The following SZT2 variants were observed in gnomAD, a reference collection of about 807,000 sequenced individuals.
SZT2 encodes SZT2 subunit of KICSTOR complex.
A neutral mutation model predicts 404.2 loss-of-function variants in SZT2; 216 were observed. That is an observed-to-expected ratio of 0.53 (90% CI 0.48 to 0.60). SZT2 has a LOEUF of 0.60. SZT2 is among the 20% of genes least tolerant of loss of function. SZT2 has a pLI of 0.00. For missense variants in SZT2, 3,857 were observed against 4,459.2 expected (o/e 0.86, Z 3.85); for synonymous variants, 1,693 against 1,749.9 (o/e 0.97, Z 0.81).
At chr1:43,400,791 G>A (rs536363945) in intron 1 of SZT2, among the ~76,000 whole-genome samples, 2 of 151,712 alleles carry the variant, frequency 1.3e-5, no homozygotes, top group African/African-American at 2.4e-5. Context: ...AGAATCACTT[G>A]AACCCAGGAG....
At position 43,433,052 on chromosome 1, in the gene SZT2, C is replaced by T. The variant is rs772792017; in HGVS notation, c.5666C>T (p.Ala1889Val). Residue 1889 changes from alanine (A) to valine (V), a missense_variant, in exon 40 of 72, where the codon GCC becomes GTC. Transcript: ENST00000634258. ...CCCAATGACACCCTTGGTGAGAAGG[C>T]CCCCTTCACATTGCGGACTCCACCT... ...EGPNDTLGEK[A>V]PFTLRTPPGP... is the part of the protein sequence containing the mutation. 2 of 1,613,982 alleles carry T rather than the reference C, an allele frequency of 1.2e-6. No homozygotes were observed. Among genetic ancestry groups the T allele is most frequent in the Admixed American group, 3.3e-5 (2 of 60,004 alleles).
intron 4 of SZT2, among the ~76,000 whole-genome samples, chr1:43,411,259 T>A (rs1181823415): frequency 6.6e-6 from 1 of 152,210 alleles, no homozygotes; most frequent in Non-Finnish European, 1.5e-5. Flanking sequence ...GAAGACCAGG[T>A]TGGCTTCTGG....
chr1:43,409,432 CAA>C (rs1372625660), intron 4 of SZT2: 16 of 363,646 alleles, frequency 4.4e-5, no homozygotes, highest in South Asian at 2.0e-4. Flanking sequence ...AATAGTCAGA[CAA>C]GAGAAAGAAA....
In SZT2 at chr1:43,423,115, G is replaced by A. The variant is rs1401013709; in HGVS notation, c.2054G>A (p.Arg685Lys). 6.3e-7 allele frequency: 1 copy of A among 1,593,474 alleles called. No individual in the cohort carries two copies. Among genetic ancestry groups the A allele is most frequent in the Non-Finnish European group, 8.5e-7 (1 of 1,177,698 alleles). ...PARHKIVSGLREEILRLRFPH... is the reference protein window; with the variant it reads ...PARHKIVSGLKEEILRLRFPH... Reference sequence around the variant, plus strand: ...TCCCCTCAGATTGTGTCAGGCTTGAGGGAAGAGATCCTGCGGCTGCGTTTC... The same window carrying A: ...TCCCCTCAGATTGTGTCAGGCTTGAAGGAAGAGATCCTGCGGCTGCGTTTC... Residue 685 changes from arginine (R) to lysine (K), a missense_variant, in exon 15 of 72, where the codon AGG becomes AAG. Around this residue, in one of 7 missense-constraint regions of SZT2, gnomAD observed 1,725 missense variants for 1,881.0 expected, o/e 0.92. Coordinates refer to ENST00000634258, the MANE Select transcript of SZT2 (RefSeq NM_001365999.1).
chr1:43,441,966 G>A lies in SZT2; in HGVS notation c.7743-34G>A. 1 of 1,599,708 alleles carries A rather than the reference G, an allele frequency of 6.3e-7. No homozygotes were observed. Reference sequence around the variant, plus strand: ...AGGCTAGGCCAGGGAGTGGTGTCATGGATGGCCTTTCTGTCTGTCCTCCCT... The same window carrying A: ...AGGCTAGGCCAGGGAGTGGTGTCATAGATGGCCTTTCTGTCTGTCCTCCCT... On this transcript the variant is annotated intron_variant, in intron 55 of 71. Transcript: ENST00000634258. This position sits in a 1 kb window ranked among gnomAD's most constrained non-coding sequence, Gnocchi z 4.8.
At position 43,427,417 on chromosome 1, in the gene SZT2, C is replaced by G. The variant is rs147644619; in HGVS notation, c.3570C>G (p.Val1190=). The stretch of plus-strand genomic sequence containing the variant: ...GGATCAAAGCTACAAAGTCCCACGT[C>G]CCTGTCCTCAGTGTGACCCTGGCTA... ...GTGIKATKSH[V]PVLSVTLASD... is the part of the protein sequence containing the mutation. The change falls in exon 25 of 72, where the codon GTC becomes GTG. Residue 1190 remains valine, a synonymous_variant. Coordinates refer to ENST00000634258, the MANE Select transcript of SZT2 (RefSeq NM_001365999.1). 2.5e-6 allele frequency: 4 copies of G among 1,613,486 alleles called. No homozygotes were observed. Among genetic ancestry groups the G allele is most frequent in the Admixed American group, 1.7e-5 (1 of 59,978 alleles).
In SZT2 at chr1:43,448,980, G is replaced by A. The variant is rs1656044270; in HGVS notation, c.10086+252G>A. 1 of 482,532 alleles carries A rather than the reference G, an allele frequency of 2.1e-6. No individual in the cohort carries two copies. The highest frequency in any genetic ancestry group is 1.9e-5 in the African/African-American group (1 of 51,282). 29.9% of individuals were successfully genotyped at this position (482,532 alleles called of 1,614,324 possible). On this transcript the variant is annotated intron_variant, in intron 70 of 71. Transcript: ENST00000634258. The surrounding 1 kb of genome is among the most constrained non-coding windows in gnomAD (Gnocchi z 4.2). ...CTTGAGATCCTGAGGGCCAGGCTCT[G>A]GAACTGACAACCCAAGGAGCTGTCA...
Position 43,420,574 on chromosome 1 carries a change from T to C in SZT2, c.1262-175T>C, listed in dbSNP as rs769539688. On this transcript the variant is annotated intron_variant, in intron 9 of 71. Transcript: ENST00000634258. The surrounding 1 kb of genome is among the most constrained non-coding windows in gnomAD (Gnocchi z 5.1). ...CTTGGCTTAGTTTTCAGATTGTTTC[T>C]ACAAACTTGTGTTTGTGTCAGTGGG... Among the ~76,000 whole-genome samples, 6 of 152,232 alleles carry C rather than the reference T, an allele frequency of 3.9e-5. No individual in the cohort carries two copies. Among genetic ancestry groups the C allele is most frequent in the Non-Finnish European group, 8.8e-5 (6 of 68,042 alleles).
In SZT2 at chr1:43,435,299, T is replaced by A; in HGVS notation, c.6004T>A (p.Ser2002Thr). 1.9e-6 allele frequency: 3 copies of A among 1,614,114 alleles called. No homozygotes were observed. The highest frequency in any genetic ancestry group is 8.5e-7 in the Non-Finnish European group (1 of 1,180,014). The change falls in exon 42 of 72, where the codon TCC becomes ACC. Residue 2002 changes from serine to threonine, a missense_variant. Transcript: ENST00000634258. ...DLWRSETPFH[S>T]RQRAPLPSDD... is the part of the protein sequence containing the mutation. ...GTGGCGCAGTGAGACTCCCTTCCAC[T>A]CCCGTCAGCGGGCACCACTGCCCAG...
chr1:43,422,665 C>CA, intron 13 of SZT2, 33 bp downstream of exon 13: 1 of 751,530 alleles, frequency 1.3e-6, no homozygotes, highest in South Asian at 1.7e-5. Context: ...ACCCCCCGCC[C>CA]CCCCACCCCC....
At position 43,430,685 on chromosome 1, in the gene SZT2, G is replaced by C; in HGVS notation, c.4670G>C (p.Ser1557Thr). ...LGGDSPTGPE[S>T]FLHDLPPLFL... ...GGCGACTCACCCACTGGGCCTGAGAGCTTCCTTCATGACCTGCCACCGCTC... is the reference window on the plus strand; with the variant it reads ...GGCGACTCACCCACTGGGCCTGAGACCTTCCTTCATGACCTGCCACCGCTC... Residue 1557 changes from serine to threonine, a missense_variant, in exon 32 of 72, where the codon AGC becomes ACC. By Grantham distance (58) the Ser-to-Thr change is moderately conservative. Around this residue, in one of 7 missense-constraint regions of SZT2, gnomAD observed 1,725 missense variants for 1,881.0 expected, o/e 0.92. Coordinates refer to ENST00000634258, the MANE Select transcript of SZT2 (RefSeq NM_001365999.1). 5 of 1,614,050 alleles carry C rather than the reference G, an allele frequency of 3.1e-6. No homozygotes were observed. The highest frequency in any genetic ancestry group is 4.2e-6 in the Non-Finnish European group (5 of 1,180,032).
chr1:43,423,163 A>C lies in SZT2; in HGVS notation c.2102A>C (p.Glu701Ala), dbSNP rs532015613. The C allele has an allele frequency of 1.3e-6, 2 of 1,597,420 alleles. No homozygotes were observed. Among genetic ancestry groups the C allele is most frequent in the African/African-American group, 2.7e-5 (2 of 75,000 alleles). The part of the protein sequence containing the change: ...LRFPHRVQSK[E>A]PTPKVKRKGL... ...TTCCCCCACCGGGTACAAAGCAAGG[A>C]GCCAACGCCCAAGGTGAAACGAAAA... is the stretch of plus-strand genomic sequence containing the variant. Residue 701 changes from glutamate (E) to alanine (A), a missense_variant, in exon 15 of 72, where the codon GAG becomes GCG. Glu to Ala is a moderately radical substitution (Grantham distance 107, BLOSUM62 -1). This residue lies in a region of SZT2 where 1,725 missense variants were observed against 1,881.0 expected (regional missense o/e 0.92). Coordinates refer to ENST00000634258, the MANE Select transcript of SZT2 (RefSeq NM_001365999.1).
chr1:43,403,993 C>T (rs905293715), intron 3 of SZT2: 17 of 577,984 alleles, frequency 2.9e-5, no homozygotes, highest in Admixed American at 1.5e-4. Flanking sequence ...GCTGATTACT[C>T]GAGCTCAGGA....
Position 43,425,845 on chromosome 1 carries a change from G to T in SZT2, c.2825G>T (p.Arg942Leu), listed in dbSNP as rs766765965. The T allele has an allele frequency of 1.2e-6, 2 of 1,613,834 alleles. No individual in the cohort carries two copies. Among genetic ancestry groups the T allele is most frequent in the African/African-American group, 2.7e-5 (2 of 74,910 alleles). Residue 942 changes from arginine to leucine, a missense_variant, in exon 20 of 72, where the codon CGG becomes CTG. Arg to Leu is a moderately radical substitution (Grantham distance 102). Around this residue, in one of 7 missense-constraint regions of SZT2, gnomAD observed 1,725 missense variants for 1,881.0 expected, o/e 0.92. Transcript: ENST00000634258. The surrounding 1 kb of genome is among the most constrained non-coding windows in gnomAD (Gnocchi z 4.3). ...ATGTTCTTCCTGTAGCTCCACCCAC[G>T]GGATGCTGCCTGCATAGGCTCCATG... ...YSEIPQALHP[R>L]DAACIGSMLS...
chr1:43,448,468 A>G lies in SZT2; in HGVS notation c.9953A>G (p.Asp3318Gly), dbSNP rs543202856. ...LEAVHAKSIG[D>G]IDPQLDCFLS... ...GCAGTCCATGCCAAATCCATTGGGGACATCGACCCCCAGCTGGTAAGGAAC... is the reference window on the plus strand; with the variant it reads ...GCAGTCCATGCCAAATCCATTGGGGGCATCGACCCCCAGCTGGTAAGGAAC... Residue 3318 changes from aspartate to glycine, a missense_variant, in exon 69 of 72, where the codon GAC becomes GGC. Coordinates refer to ENST00000634258, the MANE Select transcript of SZT2 (RefSeq NM_001365999.1). The surrounding 1 kb of genome is among the most constrained non-coding windows in gnomAD (Gnocchi z 4.2). The G allele has an allele frequency of 6.2e-7, 1 of 1,609,100 alleles. No homozygotes were observed. Among genetic ancestry groups the G allele is most frequent in the East Asian group, 2.2e-5 (1 of 44,804 alleles).
chr1:43,454,243 C>T lies in SZT2; in HGVS notation c.*3763C>T, dbSNP rs1280856700. On this transcript the variant is annotated 3_prime_UTR_variant, in exon 72 of 72. Coordinates refer to ENST00000634258, the MANE Select transcript of SZT2 (RefSeq NM_001365999.1). ...ACCAAATAAAGAAGCACTTTTATAC[C>T]GCCAGTTATCACACCACTAGCCTGT... is the stretch of plus-strand genomic sequence containing the variant. The T allele has an allele frequency of 6.1e-6, 1 of 163,234 alleles. No individual in the cohort carries two copies. Among genetic ancestry groups the T allele is most frequent in the East Asian group, 1.9e-4 (1 of 5,294 alleles). The allele number at this position is 163,234 out of a possible 1,614,324, so 10.1% of individuals were successfully genotyped here.
intron 4 of SZT2, chr1:43,412,389 G>C (rs1269169293): frequency 1.3e-5 from 2 of 152,182 alleles, no homozygotes; most frequent in African/African-American, 2.4e-5. Context: ...TTGATCTCTT[G>C]GGCTTAAGTG....
At position 43,422,577 on chromosome 1, in the gene SZT2, G is replaced by A. The variant is rs2153932520; in HGVS notation, c.1867G>A (p.Asp623Asn). The A allele has an allele frequency of 1.3e-6, 2 of 1,598,080 alleles. 1 individual carries two copies. The highest frequency in any genetic ancestry group is 2.2e-5 in the South Asian group (2 of 91,062). Residue 623 changes from aspartate (D) to asparagine (N), a missense_variant, in exon 13 of 72, where the codon GAC (aspartate) becomes AAC (asparagine). Transcript: ENST00000634258. ...CTCCTCCCTGACCTCTCTGCTGCGGGACTGGAGCAGCTTCGTACTAGTCGA... is the reference window on the plus strand; with the variant it reads ...CTCCTCCCTGACCTCTCTGCTGCGGAACTGGAGCAGCTTCGTACTAGTCGA... ...SHSSLTSLLR[D>N]WSSFVLVEGY...
In SZT2 at chr1:43,425,851, C is replaced by G. The variant is rs774918871; in HGVS notation, c.2831C>G (p.Ala944Gly). The change falls in exon 20 of 72, where the codon GCT (alanine) becomes GGT (glycine). Residue 944 changes from alanine (A) to glycine (G), a missense_variant. Ala to Gly is a moderately conservative substitution (Grantham distance 60). This residue lies in a region of SZT2 where 1,725 missense variants were observed against 1,881.0 expected (regional missense o/e 0.92). Coordinates refer to ENST00000634258, the MANE Select transcript of SZT2 (RefSeq NM_001365999.1). This position sits in a 1 kb window ranked among gnomAD's most constrained non-coding sequence, Gnocchi z 4.3. ...EIPQALHPRD[A>G]ACIGSMLSFE... The stretch of plus-strand genomic sequence containing the variant: ...TTCCTGTAGCTCCACCCACGGGATG[C>G]TGCCTGCATAGGCTCCATGCTGAGC... 3 of 1,613,998 alleles carry G rather than the reference C, an allele frequency of 1.9e-6. No homozygotes were observed. The highest frequency in any genetic ancestry group is 2.5e-6 in the Non-Finnish European group (3 of 1,179,950).
Sources: allele counts gnomAD v4.1 joint callset (sites outside exome capture counted in the v4.1 genomes callset), GRCh38; gene constraint gnomAD v4.1.1; regional missense constraint gnomAD v4.1.1; non-coding constraint Gnocchi (gnomAD v3.1); transcripts MANE v1.5; gene names NCBI Gene and HGNC (gene_info 2026-07-23, HGNC 2026-07-21).